CSRNP3: variants seen among roughly 807,000 people sequenced by gnomAD.
The protein encoded by CSRNP3 is cysteine/serine-rich nuclear protein 3.
In CSRNP3, 12 loss-of-function variants were observed where a neutral mutation model predicts 48.0. The observed-to-expected ratio is 0.25, with a 90% confidence interval of 0.16 to 0.41. The LOEUF (loss-of-function observed/expected upper bound fraction) is 0.41, where lower values mean the gene tolerates loss of function less well. Ranked by LOEUF, CSRNP3 falls within the 10% of genes least tolerant of loss-of-function variation. CSRNP3 has a pLI of 1.00. For synonymous variants in CSRNP3, 263 were observed against 269.7 expected (o/e 0.98, Z 0.24); for missense variants, 580 against 724.4 (o/e 0.80, Z 2.29).
At chr2:165,609,128 CTG>C (rs1003585567) in intron 4 of CSRNP3, among the ~76,000 whole-genome samples, 18 of 137,888 alleles carry the variant, frequency 1.3e-4, no homozygotes, top group African/African-American at 4.8e-4. Context: ...AAAGTAGTGT[CTG>C]GAGTCAGATT....
At chr2:165,630,792 G>T (rs546715131) in intron 4 of CSRNP3, among the ~76,000 whole-genome samples, 28 of 152,222 alleles carry the variant, frequency 1.8e-4, no homozygotes, top group Non-Finnish European at 3.4e-4. Flanking sequence ...TAAAATTGAT[G>T]ATATTTGACG....
At chr2:165,640,691 C>G (rs551565307) in intron 4 of CSRNP3, among the ~76,000 whole-genome samples, 1 of 152,232 alleles carries the variant, frequency 6.6e-6, no homozygotes, top group South Asian at 2.1e-4. Context: ...TGTTCACAGG[C>G]TATAATAAGG....
intron 4 of CSRNP3, among the ~76,000 whole-genome samples, chr2:165,640,950 A>G (rs1006861129): frequency 8.5e-5 from 13 of 152,320 alleles, no homozygotes; most frequent in Admixed American, 8.5e-4. Flanking sequence ...CTATAAAGCA[A>G]TAAGAAAGGT....
intron 1 of CSRNP3, among the ~76,000 whole-genome samples, chr2:165,480,774 TTATATATTA>T (rs1220874149): frequency 2.5e-5 from 3 of 119,872 alleles, no homozygotes; most frequent in Non-Finnish European, 5.3e-5. Flanking sequence ...ATATAAAATT[TTATATATTA>T]TATATATAAT....
At chr2:165,477,414 T>C (rs2105445967) in intron 1 of CSRNP3, among the ~76,000 whole-genome samples, 1 of 146,604 alleles carries the variant, frequency 6.8e-6, no homozygotes, top group Non-Finnish European at 1.5e-5. Context: ...AGGTCAGAAG[T>C]TCGAGACCAG....
In CSRNP3 at chr2:165,679,285, C is replaced by T; in HGVS notation, c.1290C>T (p.Ala430=). Residue 430 remains alanine, a synonymous_variant, in exon 7 of 7, where the codon GCC becomes GCT. Coordinates refer to ENST00000651982, the MANE Select transcript of CSRNP3 (RefSeq NM_001172173.2). The part of the protein sequence containing the change: ...ESHAKNASFY[A]NSSTLYYQID... ...ATGCAAAGAATGCTTCTTTTTATGC[C>T]AACTCTTCAACTCTGTATTACCAAA... 6.2e-7 allele frequency: 1 copy of T among 1,613,784 alleles called. No individual in the cohort carries two copies. The highest frequency in any genetic ancestry group is 8.5e-7 in the Non-Finnish European group (1 of 1,179,916).
At chr2:165,566,924 A>G (rs1469905160) in intron 3 of CSRNP3, 1 of 152,110 alleles carries the variant, frequency 6.6e-6, no homozygotes, top group African/African-American at 2.4e-5. Context: ...GATGAATAAT[A>G]TGCCAAAGTT....
rs1483143971 is a variant in CSRNP3 at position 165,685,378 on chromosome 2, AG to A, written c.*5626del. 27 of 152,158 alleles carry A rather than the reference AG, an allele frequency of 1.8e-4. 1 individual carries two copies. The East Asian group carries it at 4.1e-3, about 23-fold the overall frequency. The allele number at this position is 152,158 out of a possible 1,614,324, so 9.4% of individuals were successfully genotyped here. A position where few individuals can be genotyped will look rare whatever the true frequency, so the allele number is the denominator to read the frequency against. On this transcript the variant is annotated 3_prime_UTR_variant, in exon 7 of 7. Transcript: ENST00000651982. ...ATGACCTGTGTTTTACCTGGTGATC[AG>A]TTCTCAGGCTAGTCTAAGTCTGTGC...
intron 1 of CSRNP3, among the ~76,000 whole-genome samples, chr2:165,474,805 G>A (rs1558910200): frequency 6.6e-6 from 1 of 152,174 alleles, no homozygotes; most frequent in Non-Finnish European, 1.5e-5. Context: ...AGGGATTTTA[G>A]AGTTGCATAG....
At chr2:165,653,427 C>T (rs903500385) in intron 4 of CSRNP3, among the ~76,000 whole-genome samples, 4 of 152,194 alleles carry the variant, frequency 2.6e-5, no homozygotes, top group Admixed American at 2.6e-4. Context: ...AGTGTCAGCT[C>T]TGCCAGGGGC....
chr2:165,619,470 C>A (rs1686304050), intron 4 of CSRNP3, among the ~76,000 whole-genome samples: 1 of 152,084 alleles, frequency 6.6e-6, no homozygotes, highest in Non-Finnish European at 1.5e-5. Flanking sequence ...TTGGGGACCA[C>A]CTATGAATTT....
chr2:165,536,090 C>A (rs1383971582), intron 3 of CSRNP3, among the ~76,000 whole-genome samples: 4 of 151,872 alleles, frequency 2.6e-5, no homozygotes, highest in Middle Eastern at 3.2e-3. Flanking sequence ...TTTTGAACTC[C>A]AAGCTATATG....
intron 4 of CSRNP3, among the ~76,000 whole-genome samples, chr2:165,630,178 T>C (rs982494143): frequency 1.3e-5 from 2 of 152,236 alleles, no homozygotes; most frequent in African/African-American, 4.8e-5. Context: ...GCTCCTTTTT[T>C]GTCTCCTTTT....
chr2:165,676,111 C>A (rs917675965), intron 5 of CSRNP3, among the ~76,000 whole-genome samples: 1 of 152,132 alleles, frequency 6.6e-6, no homozygotes, highest in African/African-American at 2.4e-5. Flanking sequence ...TTCTGTTACC[C>A]GTACATTTAA....
At chr2:165,506,991 T>G (rs890781776) in intron 2 of CSRNP3, among the ~76,000 whole-genome samples, 1 of 152,188 alleles carries the variant, frequency 6.6e-6, no homozygotes, top group Admixed American at 6.6e-5. Context: ...TAATTCACTT[T>G]GATCTCGTAG....
At chr2:165,492,694 A>G (rs535434065) in intron 1 of CSRNP3, among the ~76,000 whole-genome samples, 2 of 148,676 alleles carry the variant, frequency 1.3e-5, no homozygotes, top group Non-Finnish European at 3.0e-5. Context: ...CCTTTCCCTA[A>G]TAACACCCAG....
At chr2:165,556,832 G>T (rs1243951974) in intron 3 of CSRNP3, among the ~76,000 whole-genome samples, 1 of 152,090 alleles carries the variant, frequency 6.6e-6, no homozygotes, top group African/African-American at 2.4e-5. Context: ...TCTTGTTTTG[G>T]CTTTTGAATA....
chr2:165,544,863 A>C (rs1324907262), intron 3 of CSRNP3, among the ~76,000 whole-genome samples: 1 of 152,170 alleles, frequency 6.6e-6, no homozygotes, highest in East Asian at 1.9e-4. Flanking sequence ...GATCACAAAA[A>C]AGGTAAATGT....
intron 1 of CSRNP3, among the ~76,000 whole-genome samples, chr2:165,471,963 A>G (rs193200995): frequency 6.6e-6 from 1 of 152,212 alleles, no homozygotes; most frequent in Non-Finnish European, 1.5e-5. Flanking sequence ...GAGAAATGGG[A>G]AGGCATCACC....
Sources: allele counts gnomAD v4.1 joint callset (sites outside exome capture counted in the v4.1 genomes callset), GRCh38; gene constraint gnomAD v4.1.1; transcripts MANE v1.5; gene names NCBI Gene and HGNC (gene_info 2026-07-23, HGNC 2026-07-21).